Variants in STK32B observed in about 807,000 individuals in gnomAD.
STK32B encodes the protein serine/threonine kinase 32B, also known as serine/threonine-protein kinase 32B.
Under a neutral mutation model 52.6 loss-of-function variants are expected in STK32B, and 43 were observed. The observed-to-expected ratio is 0.82, with a 90% confidence interval of 0.64 to 1.05. STK32B has a LOEUF of 1.05. Ranked by LOEUF, STK32B falls within the 50% of genes least tolerant of loss-of-function variation. STK32B has a pLI of 0.00. For synonymous variants in STK32B, 238 were observed against 204.3 expected (o/e 1.17, Z -1.41); for missense variants, 621 against 534.6 (o/e 1.16, Z -1.59).
intron 3 of STK32B, among the ~76,000 whole-genome samples, chr4:5,252,911 T>G (rs1042514296): frequency 2.6e-5 from 4 of 152,142 alleles, no homozygotes; most frequent in African/African-American, 9.7e-5. Flanking sequence ...TCCCCTTGTC[T>G]CACCAGGATT....
chr4:5,491,402 T>A (rs1719723442), intron 11 of STK32B, among the ~76,000 whole-genome samples: 1 of 152,234 alleles, frequency 6.6e-6, no homozygotes, highest in African/African-American at 2.4e-5. Flanking sequence ...GTTCATGTCC[T>A]TCACCCACTT....
chr4:5,466,847 T>C lies in STK32B; in HGVS notation c.1041+13T>C. 1 of 1,610,992 alleles carries C rather than the reference T, an allele frequency of 6.2e-7. No individual in the cohort carries two copies. Among genetic ancestry groups the C allele is most frequent in the Non-Finnish European group, 8.5e-7 (1 of 1,178,640 alleles). On this transcript the variant is annotated intron_variant, in intron 10 of 11. Transcript: ENST00000282908. ...CAGCTGCCCGCTGGTGAGTGCTTCG[T>C]GGGAGCCGTTCCGGGAGAGAAATCC...
chr4:5,140,469 G>A (rs1405174268), intron 2 of STK32B, among the ~76,000 whole-genome samples: 2 of 151,986 alleles, frequency 1.3e-5, no homozygotes, highest in African/African-American at 4.8e-5. Flanking sequence ...ATTGCTTTGA[G>A]TACCTATTGA....
At chr4:5,044,363 G>A in the STK32B span, among the ~76,000 whole-genome samples, 1 of 152,056 alleles carries the variant, frequency 6.6e-6, no homozygotes, top group Non-Finnish European at 1.5e-5. Flanking sequence ...CATCTGCCCA[G>A]GGACTGCTAC....
intron 1 of STK32B, among the ~76,000 whole-genome samples, chr4:5,138,446 A>G (rs1405770873): frequency 6.6e-6 from 1 of 152,140 alleles, no homozygotes; most frequent in African/African-American, 2.4e-5. Flanking sequence ...CTGTAATTCA[A>G]TCTAATTCAA....
rs549066620 is a variant in STK32B at position 5,396,313 on chromosome 4, T to G, written c.435-1894T>G. On this transcript the variant is annotated intron_variant, in intron 4 of 11. Coordinates refer to ENST00000282908, the MANE Select transcript of STK32B (RefSeq NM_018401.3). This position sits in a 1 kb window ranked among gnomAD's most constrained non-coding sequence, Gnocchi z 4.7. The stretch of plus-strand genomic sequence containing the variant: ...TATCTGCTTCCATCTCCCCATGGCC[T>G]TCTTCTCTCCTGTGCCTGCATCCAA... 7.7e-4 allele frequency among the ~76,000 whole-genome samples: 117 copies of G among 152,272 alleles called. 2 individuals are homozygous for G. The highest frequency in any genetic ancestry group is 2.6e-3 in the African/African-American group (107 of 41,578).
At chr4:5,227,217 TAA>T (rs1302111853) in intron 3 of STK32B, among the ~76,000 whole-genome samples, 2 of 152,348 alleles carry the variant, frequency 1.3e-5, no homozygotes, top group South Asian at 4.1e-4. Context: ...AGTATCTTCT[TAA>T]AGATTATTTG....
intron 3 of STK32B, among the ~76,000 whole-genome samples, chr4:5,316,691 T>TA (rs1730841758): frequency 8.6e-4 from 1 of 1,164 alleles, no homozygotes; most frequent in East Asian, 0.25. Context: ...TAATATAATA[T>TA]ATATCATATT....
intron 1 of STK32B, among the ~76,000 whole-genome samples, chr4:5,101,265 A>G (rs1380906338): frequency 1.3e-5 from 2 of 152,160 alleles, no homozygotes; most frequent in African/African-American, 2.4e-5. Context: ...TGGGGCACAC[A>G]CGGTGGCTTC....
upstream of STK32B, among the ~76,000 whole-genome samples, chr4:5,049,465 G>C (rs1051470964): frequency 1.3e-5 from 2 of 152,186 alleles, no homozygotes; most frequent in Non-Finnish European, 2.9e-5. Context: ...TCAGCGAAGA[G>C]AGATATGGGT....
chr4:5,494,553 T>C (rs1372086540), intron 11 of STK32B, among the ~76,000 whole-genome samples: 5 of 152,220 alleles, frequency 3.3e-5, no homozygotes, highest in South Asian at 2.1e-4. Context: ...TGTCTTTTAA[T>C]TGGAGCATTT....
intron 3 of STK32B, among the ~76,000 whole-genome samples, chr4:5,289,513 G>A (rs997599653): frequency 6.6e-6 from 1 of 151,904 alleles, no homozygotes; most frequent in African/African-American, 2.4e-5. Flanking sequence ...ATATAAAGAG[G>A]TGTTCAGTCT....
At chr4:5,494,797 C>A (rs1418141716) in intron 11 of STK32B, among the ~76,000 whole-genome samples, 4 of 152,136 alleles carry the variant, frequency 2.6e-5, no homozygotes, top group Non-Finnish European at 4.4e-5. Flanking sequence ...TCAGCGTTTG[C>A]TTGTCTGTAA....
intron 4 of STK32B, among the ~76,000 whole-genome samples, chr4:5,353,810 A>G (rs1229254033): frequency 2.6e-5 from 4 of 152,198 alleles, no homozygotes; most frequent in African/African-American, 9.6e-5. Flanking sequence ...ATTCAGTACA[A>G]CTACCATGGA....
At chr4:5,478,918 C>T (rs1057313911) in intron 11 of STK32B, among the ~76,000 whole-genome samples, 11 of 152,156 alleles carry the variant, frequency 7.2e-5, no homozygotes, top group Non-Finnish European at 1.5e-4. Context: ...TCTGCTGGGG[C>T]TTCCCATTGG....
intron 3 of STK32B, among the ~76,000 whole-genome samples, chr4:5,217,318 C>T (rs1723237153): frequency 6.6e-6 from 1 of 152,178 alleles, no homozygotes; most frequent in Non-Finnish European, 1.5e-5. Flanking sequence ...ATTTTCAGTT[C>T]TTCCTTGCCA....
rs566067939 is a variant in STK32B at position 5,377,140 on chromosome 4, G to A, written c.435-21067G>A. Among the ~76,000 whole-genome samples, 14 of 152,246 alleles carry A rather than the reference G, an allele frequency of 9.2e-5. 1 individual carries two copies. In the South Asian group the frequency reaches 2.7e-3, roughly 29 times the overall value. ...GGCCAAAGGAGTCTTGATTCTAGAG[G>A]GAGTCATTGGACTTTTATATGGTAT... On this transcript the variant is annotated intron_variant, in intron 4 of 11. Coordinates refer to ENST00000282908, the MANE Select transcript of STK32B (RefSeq NM_018401.3).
chr4:5,291,917 C>T (rs1728916141), intron 3 of STK32B, among the ~76,000 whole-genome samples: 1 of 151,990 alleles, frequency 6.6e-6, no homozygotes. Flanking sequence ...GAATATATTG[C>T]ATGATGCTGA....
chr4:5,321,873 A>G (rs765954683), intron 3 of STK32B, among the ~76,000 whole-genome samples: 3 of 152,024 alleles, frequency 2.0e-5, no homozygotes. Context: ...GCCTTGGTCT[A>G]CGGGAGGCCA....
Sources: allele counts gnomAD v4.1 joint callset (sites outside exome capture counted in the v4.1 genomes callset), GRCh38; gene constraint gnomAD v4.1.1; non-coding constraint Gnocchi (gnomAD v3.1); transcripts MANE v1.5; gene names NCBI Gene and HGNC (gene_info 2026-07-23, HGNC 2026-07-21).